Variants in ABCB1 observed in about 807,000 individuals in gnomAD.
ABCB1 encodes ATP binding cassette subfamily B member 1, also known as ATP-dependent translocase ABCB1.
A neutral mutation model predicts 142.0 loss-of-function variants in ABCB1; 69 were observed. The observed-to-expected ratio is 0.49, with a 90% CI of 0.40 to 0.59. ABCB1 has a LOEUF of 0.59. Ranked by LOEUF, ABCB1 falls within the 20% of genes least tolerant of loss-of-function variation. The pLI, the probability that ABCB1 is intolerant of heterozygous loss-of-function variation, is 0.00. For missense variants in ABCB1, 1,326 were observed against 1,554.7 expected (o/e 0.85, Z 2.47); for synonymous variants, 532 against 539.2 (o/e 0.99, Z 0.18).
Position 87,626,325 on chromosome 7 carries a change from ATATATGTGTCG to A in ABCB1, c.-330-25258_-330-25248del, listed in dbSNP as rs1336781933. ...TATATATGTGTCGTATATGTGTCAT[ATATATGTGTCG>A]TATATGTGTCATATATATGTGTCAT... On this transcript the variant is annotated intron_variant, in intron 1 of 28. Transcript: ENST00000265724. Among the ~76,000 whole-genome samples, 17 of 34,724 alleles carry A rather than the reference ATATATGTGTCG, an allele frequency of 4.9e-4. 2 individuals are homozygous for A. Among genetic ancestry groups the A allele is most frequent in the Non-Finnish European group, 6.2e-4 (14 of 22,422 alleles). The allele number at this position is 34,724 out of a possible 152,430, so 22.8% of individuals were successfully genotyped here. A position where few individuals can be genotyped will look rare whatever the true frequency, so the allele number is the denominator to read the frequency against.
chr7:87,600,297 C>A, intron 1 of ABCB1, 107 bp from the exon 2 acceptor site: 3 of 905,232 alleles, frequency 3.3e-6, no homozygotes, highest in South Asian at 2.8e-5. Context: ...TAAGAGGGAG[C>A]GCCCGCCGTT....
chr7:87,587,642 C>G (rs889120488), intron 3 of ABCB1, among the ~76,000 whole-genome samples: 1 of 151,934 alleles, frequency 6.6e-6, no homozygotes, highest in African/African-American at 2.4e-5. Context: ...GAGGCCAAGG[C>G]GGGCAGATCA....
At chr7:87,697,887 G>T (rs573440540) in intron 1 of ABCB1, among the ~76,000 whole-genome samples, 66 of 152,068 alleles carry the variant, frequency 4.3e-4, no homozygotes, top group Non-Finnish European at 7.2e-4. Context: ...CAAAGCCCAT[G>T]TTCTTAACCA....
intron 11 of ABCB1, 63 bp from the exon 12 acceptor site, chr7:87,550,359 C>T: frequency 6.2e-7 from 1 of 1,612,356 alleles, no homozygotes; most frequent in Non-Finnish European, 8.5e-7. Context: ...TAGGAACTGA[C>T]TGTTCACTAG....
chr7:87,540,853 T>C (rs1273179565), intron 18 of ABCB1, among the ~76,000 whole-genome samples: 1 of 152,236 alleles, frequency 6.6e-6, no homozygotes, highest in Non-Finnish European at 1.5e-5. Context: ...TCCTACATTT[T>C]TTGTTGGAGG....
intron 1 of ABCB1, among the ~76,000 whole-genome samples, chr7:87,669,048 A>G (rs1269910975): frequency 6.6e-6 from 1 of 152,000 alleles, no homozygotes; most frequent in Admixed American, 6.6e-5. Flanking sequence ...GTCTGCCTCA[A>G]TGATCTGTTT....
chr7:87,641,311 G>A (rs1822430434), intron 1 of ABCB1, among the ~76,000 whole-genome samples: 1 of 152,174 alleles, frequency 6.6e-6, no homozygotes, highest in South Asian at 2.1e-4. Context: ...ATGGCCAATA[G>A]TGTAGGTTAA....
At chr7:87,507,575 C>T (rs1232661151) in intron 26 of ABCB1, among the ~76,000 whole-genome samples, 2 of 152,074 alleles carry the variant, frequency 1.3e-5, no homozygotes, top group Admixed American at 1.3e-4. Context: ...GAGACAAGGC[C>T]ACCTCCCTGG....
Position 87,586,338 on chromosome 7 carries a change from T to A in ABCB1, c.118-658A>T, listed in dbSNP as rs74774501. The stretch of plus-strand genomic sequence containing the variant: ...AGGTAACAGGAAGGAAAGAAAAGCT[T>A]CTCTGAACCCAAAAAGTTACAGGAA... On this transcript the variant is annotated intron_variant, in intron 3 of 27. Transcript: ENST00000622132. 3.2e-3 allele frequency among the ~76,000 whole-genome samples: 481 copies of A among 152,234 alleles called. 1 individual carries two copies. The highest frequency in any genetic ancestry group is 5.5e-3 in the Non-Finnish European group (376 of 68,006).
At chr7:87,522,177 C>T in intron 21 of ABCB1, 1 of 1,447,546 alleles carries the variant, frequency 6.9e-7, no homozygotes, top group Non-Finnish European at 9.6e-7. Flanking sequence ...GATATAGTGG[C>T]AGTGGGGATG....
intron 8 of ABCB1, among the ~76,000 whole-genome samples, chr7:87,556,306 G>A (rs1817307447): frequency 6.6e-6 from 1 of 152,080 alleles, no homozygotes; most frequent in Non-Finnish European, 1.5e-5. Flanking sequence ...AATATTAATA[G>A]ATAAATATAT....
intron 1 of ABCB1, among the ~76,000 whole-genome samples, chr7:87,658,030 C>T (rs552385224): frequency 6.6e-6 from 1 of 152,180 alleles, no homozygotes; most frequent in East Asian, 1.9e-4. Context: ...ATACCAAGAA[C>T]CAGGAAGATC....
At chr7:87,526,549 T>C (rs1584848233) in intron 21 of ABCB1, among the ~76,000 whole-genome samples, 1 of 151,918 alleles carries the variant, frequency 6.6e-6, no homozygotes, top group Non-Finnish European at 1.5e-5. Context: ...AAGATTCTTA[T>C]AACCCCCTCA....
At chr7:87,610,764 T>C (rs1383081498) in intron 1 of ABCB1, among the ~76,000 whole-genome samples, 1 of 152,218 alleles carries the variant, frequency 6.6e-6, no homozygotes, top group Non-Finnish European at 1.5e-5. Flanking sequence ...GCTCTATGCA[T>C]CTCATATTTG....
At chr7:87,556,463 G>A (rs1817314443) in intron 8 of ABCB1, among the ~76,000 whole-genome samples, 1 of 152,190 alleles carries the variant, frequency 6.6e-6, no homozygotes, top group South Asian at 2.1e-4. Context: ...AATTTGAAGA[G>A]AAAGCCAGAT....
rs375139394 is a variant in ABCB1, at chr7:87,606,521, C to T, written c.-330-5443G>A. On this transcript the variant is annotated intron_variant, in intron 1 of 28. Coordinates refer to the ABCB1 transcript ENST00000265724. The stretch of plus-strand genomic sequence containing the variant: ...ATGAGCAGTGACCTGAATACTTAAC[C>T]ACATATATATGGATGAATTAATTAT... 9.9e-5 allele frequency among the ~76,000 whole-genome samples: 15 copies of T among 152,088 alleles called. No homozygotes were observed. In the East Asian group the frequency reaches 2.1e-3, roughly 22 times the overall value.
chr7:87,699,657 T>G (rs1037851794), intron 1 of ABCB1, among the ~76,000 whole-genome samples: 8 of 152,214 alleles, frequency 5.3e-5, no homozygotes, highest in African/African-American at 1.9e-4. Flanking sequence ...CCACCCACCT[T>G]GGCCTTCCAA....
Position 87,544,152 on chromosome 7 carries a change from T to C in ABCB1, c.2188A>G (p.Ile730Val). 1.9e-6 allele frequency: 3 copies of C among 1,613,980 alleles called. No homozygotes were observed. The highest frequency in any genetic ancestry group is 1.3e-5 in the African/African-American group (1 of 75,042). Residue 730 changes from isoleucine (I) to valine (V), a missense_variant, in exon 17 of 28, where the codon ATA (isoleucine) becomes GTA (valine). Coordinates refer to ENST00000622132, the MANE Select transcript of ABCB1 (RefSeq NM_001348946.2). ...ACCCCTATAATCTTTGAAAATATTA[T>C]TGCAAATGCTGGTTGCAGGCCTCCA... ...INGGLQPAFA[I>V]IFSKIIGVFT...
intron 18 of ABCB1, among the ~76,000 whole-genome samples, chr7:87,541,013 G>C (rs1189138086): frequency 6.6e-6 from 1 of 152,060 alleles, no homozygotes; most frequent in Non-Finnish European, 1.5e-5. Context: ...ACATTTCTTT[G>C]AGTATTTACA....
Sources: gnomAD v4.1 joint callset for allele counts (sites outside exome capture counted in the v4.1 genomes callset) on GRCh38, gnomAD v4.1.1 for gene constraint, MANE v1.5 for transcripts, NCBI Gene and HGNC (gene_info 2026-07-23, HGNC 2026-07-21) for gene names.